Variants in CTNNA3 observed in about 807,000 individuals in gnomAD.
CTNNA3 encodes catenin alpha-3.
In CTNNA3, 76 loss-of-function variants were observed where a neutral mutation model predicts 95.7. That is an observed-to-expected ratio of 0.79 (90% CI 0.66 to 0.96). The LOEUF is 0.96. Among genes scored for constraint, CTNNA3 ranks in the 40% least tolerant of loss-of-function variants. The pLI is 0.00. For missense variants in CTNNA3, 1,191 were observed against 1,089.8 expected (o/e 1.09, Z -1.31); for synonymous variants, 431 against 374.4 (o/e 1.15, Z -1.74).
upstream of CTNNA3, among the ~76,000 whole-genome samples, chr10:67,700,940 T>C (rs967820268): frequency 2.0e-5 from 3 of 152,168 alleles, no homozygotes; most frequent in South Asian, 2.1e-4. Flanking sequence ...AAGGAGCTGA[T>C]GGAGCTGAAA....
At chr10:66,552,895 T>A (rs567554127) in intron 10 of CTNNA3, among the ~76,000 whole-genome samples, 1 of 152,226 alleles carries the variant, frequency 6.6e-6, no homozygotes, top group East Asian at 1.9e-4. Context: ...TTGATATTTG[T>A]TAAAAAAAAT....
At chr10:66,387,434 G>T (rs1441095028) in intron 11 of CTNNA3, among the ~76,000 whole-genome samples, 1 of 152,086 alleles carries the variant, frequency 6.6e-6, no homozygotes, top group African/African-American at 2.4e-5. Flanking sequence ...TCATTAAAAA[G>T]CCAGGAAACA....
At chr10:67,367,912 T>A (rs183401724) in intron 5 of CTNNA3, among the ~76,000 whole-genome samples, 1 of 151,986 alleles carries the variant, frequency 6.6e-6, no homozygotes, top group African/African-American at 2.4e-5. Context: ...AAGGAAAGTG[T>A]TGAAAAACTA....
intron 7 of CTNNA3, chr10:66,926,463 T>C: frequency 8.6e-7 from 1 of 1,169,218 alleles, no homozygotes. Context: ...AGGGGTCCAA[T>C]TTTTCTTCCT....
chr10:67,380,062 AACAGAACACTT>A (rs1176754747), intron 5 of CTNNA3, among the ~76,000 whole-genome samples: 1 of 151,966 alleles, frequency 6.6e-6, no homozygotes, highest in Non-Finnish European at 1.5e-5. Context: ...CTGGAGAGCA[AACAGAACACTT>A]ACAGTAGGGG....
Position 67,248,956 on chromosome 10 carries a change from T to C in CTNNA3, c.580-29086A>G, listed in dbSNP as rs111343733. Among the ~76,000 whole-genome samples, 573 of 152,286 alleles carry C rather than the reference T, an allele frequency of 3.8e-3. 6 individuals carry two copies. The highest frequency in any genetic ancestry group is 0.013 in the African/African-American group (548 of 41,570). On this transcript the variant is annotated intron_variant, in intron 5 of 17. Coordinates refer to ENST00000433211, the MANE Select transcript of CTNNA3 (RefSeq NM_013266.4). ...AAAAAATTGCAACCTCAGGCATAAATGGGTTTTAATATAAGAGCTAAAACT... is the reference window on the plus strand; with the variant it reads ...AAAAAATTGCAACCTCAGGCATAAACGGGTTTTAATATAAGAGCTAAAACT...
intron 13 of CTNNA3, among the ~76,000 whole-genome samples, chr10:66,151,630 T>C (rs2084205805): frequency 6.6e-6 from 1 of 151,890 alleles, no homozygotes; most frequent in African/African-American, 2.4e-5. Context: ...CTCCTGTAAA[T>C]ATCTGATAAA....
At chr10:67,630,263 A>C (rs78504739) in intron 2 of CTNNA3, among the ~76,000 whole-genome samples, 2 of 152,326 alleles carry the variant, frequency 1.3e-5, no homozygotes, top group East Asian at 3.9e-4. Context: ...TCACATACCC[A>C]ACATCCACTT....
At chr10:66,064,020 C>T (rs1227455967) in intron 15 of CTNNA3, among the ~76,000 whole-genome samples, 4 of 152,028 alleles carry the variant, frequency 2.6e-5, no homozygotes, top group Non-Finnish European at 5.9e-5. Flanking sequence ...TAAAGAATTG[C>T]CCGAGACTGG....
At chr10:67,288,558 G>T (rs976946708) in intron 5 of CTNNA3, among the ~76,000 whole-genome samples, 1 of 152,046 alleles carries the variant, frequency 6.6e-6, no homozygotes, top group African/African-American at 2.4e-5. Context: ...AGAAAATGTG[G>T]AACAAACCAG....
intron 9 of CTNNA3, among the ~76,000 whole-genome samples, chr10:66,756,853 C>T (rs906255829): frequency 2.6e-5 from 4 of 151,950 alleles, no homozygotes; most frequent in Non-Finnish European, 4.4e-5. Flanking sequence ...AACAAAAATC[C>T]ACCTTGTTGA....
intron 13 of CTNNA3, among the ~76,000 whole-genome samples, chr10:66,230,492 G>A (rs1253417223): frequency 6.6e-6 from 1 of 152,036 alleles, no homozygotes; most frequent in Non-Finnish European, 1.5e-5. Context: ...GTGCATCAGC[G>A]GTCTAGGCTG....
intron 7 of CTNNA3, among the ~76,000 whole-genome samples, chr10:66,831,558 C>G (rs182463651): frequency 5.3e-5 from 8 of 152,292 alleles, no homozygotes; most frequent in African/African-American, 1.2e-4. Context: ...GTTGGCACTT[C>G]AATTGTTTAC....
At position 66,642,023 on chromosome 10, in the gene CTNNA3, AC is replaced by A. The variant is rs776871246; in HGVS notation, c.1282-20240del. Among the ~76,000 whole-genome samples, 178 of 152,190 alleles carry A rather than the reference AC, an allele frequency of 1.2e-3. 1 individual carries two copies. The highest frequency in any genetic ancestry group is 3.9e-3 in the African/African-American group (162 of 41,536). On this transcript the variant is annotated intron_variant, in intron 9 of 17. Transcript: ENST00000433211. ...CTGTTGCCTTCTTCTGTGCAAAAGA[AC>A]CATTATAGATAAACAGGCAGCAGAT... is the stretch of plus-strand genomic sequence containing the variant.
intron 7 of CTNNA3, among the ~76,000 whole-genome samples, chr10:66,888,197 G>A (rs1845119241): frequency 6.6e-6 from 1 of 152,086 alleles, no homozygotes; most frequent in Non-Finnish European, 1.5e-5. Flanking sequence ...CCATGTGCAA[G>A]GACTAGATAA....
At chr10:66,526,400 T>C (rs1350994505) in intron 10 of CTNNA3, among the ~76,000 whole-genome samples, 2 of 152,116 alleles carry the variant, frequency 1.3e-5, no homozygotes, top group Non-Finnish European at 2.9e-5. Context: ...TTGCCCAGGC[T>C]GGTCTAGAAC....
At chr10:67,557,646 T>C (rs1841306903) in intron 3 of CTNNA3, among the ~76,000 whole-genome samples, 1 of 152,234 alleles carries the variant, frequency 6.6e-6, no homozygotes, top group Admixed American at 6.5e-5. Context: ...GAAAGGGATC[T>C]CAGTTTCAAA....
At chr10:66,816,172 C>A (rs1486993680) in intron 7 of CTNNA3, among the ~76,000 whole-genome samples, 3 of 151,912 alleles carry the variant, frequency 2.0e-5, no homozygotes, top group Non-Finnish European at 4.4e-5. Flanking sequence ...TCCAAGGCAA[C>A]CACTATAAAC....
At chr10:66,777,640 A>G (rs1242260738) in intron 7 of CTNNA3, among the ~76,000 whole-genome samples, 1 of 152,072 alleles carries the variant, frequency 6.6e-6, no homozygotes, top group Non-Finnish European at 1.5e-5. Flanking sequence ...AATTTTACCT[A>G]AAGAACCCAG....
Sources: gnomAD v4.1 joint callset for allele counts (sites outside exome capture counted in the v4.1 genomes callset) on GRCh38, gnomAD v4.1.1 for gene constraint, MANE v1.5 for transcripts, NCBI Gene and HGNC (gene_info 2026-07-23, HGNC 2026-07-21) for gene names.